PLXNA3: variants seen among roughly 807,000 people sequenced by gnomAD.
PLXNA3 encodes the protein plexin A3.
Under a neutral mutation model 118.8 loss-of-function variants are expected in PLXNA3, and 52 were observed. The ratio of observed to expected loss-of-function variants is 0.44; its 90% CI spans 0.35 to 0.55. The LOEUF is 0.55. Among genes scored for constraint, PLXNA3 ranks in the 20% least tolerant of loss-of-function variants. PLXNA3 has a pLI of 0.01. For missense variants in PLXNA3, 1,660 were observed against 1,730.8 expected (o/e 0.96, Z 0.73); for synonymous variants, 925 against 762.4 (o/e 1.21, Z -3.51).
Position 154,468,574 on chromosome X carries a change from C to T in PLXNA3, c.4220+15C>T. ...CTGCTACGCAGGTACCTGCCTTGCT[C>T]TATCCAGGCCACACCTTTGTCCTGC... On this transcript the variant is annotated intron_variant, in intron 23 of 32. Coordinates refer to ENST00000369682, the MANE Select transcript of PLXNA3 (RefSeq NM_017514.5). The T allele has an allele frequency of 8.3e-7, 1 of 1,207,776 alleles. No homozygotes were observed.
chrX:154,469,618 T>G, intron 27 of PLXNA3, 70 bp from the exon 28 acceptor site: 1 of 831,289 alleles, frequency 1.2e-6, no homozygotes, highest in Non-Finnish European at 1.7e-6. Flanking sequence ...CCCTCCTGGG[T>G]GTGGGTGGGT....
At chrX:154,460,963 C>G in intron 2 of PLXNA3, 136 bp from the exon 3 acceptor site, 17 of 673,557 alleles carry the variant, frequency 2.5e-5, no homozygotes, top group Non-Finnish European at 3.5e-5. Context: ...GGCTGGTCAC[C>G]CTGCCCTCTG....
Position 154,465,066 on chromosome X carries a change from G to A in PLXNA3, c.2092G>A (p.Val698Ile). Residue 698 changes from valine to isoleucine, a missense_variant, in exon 11 of 33, where the codon GTC becomes ATC. By Grantham distance (29) the Val-to-Ile change is conservative. This residue lies in a region of PLXNA3 where 791 missense variants were observed against 652.1 expected (regional missense o/e 1.21). Transcript: ENST00000369682. ...PSGDLLIPVG[V>I]MQPLTLRAKN... ...TGGGGACCTCCTGATCCCCGTTGGG[G>A]TCATGCAGCCTCTTACCTTGCGGGC... 1 of 1,210,033 alleles carries A rather than the reference G, an allele frequency of 8.3e-7. No homozygotes were observed. Among genetic ancestry groups the A allele is most frequent in the African/African-American group, 1.7e-5 (1 of 57,900 alleles).
In PLXNA3 at chrX:154,467,910, G is replaced by T; in HGVS notation, c.3729G>T (p.Lys1243Asn). The change falls in exon 21 of 33, where the codon AAG becomes AAT. Residue 1243 changes from lysine to asparagine, a missense_variant. By Grantham distance (94) the Lys-to-Asn change is moderately conservative. Around this residue, in one of 2 missense-constraint regions of PLXNA3, gnomAD observed 869 missense variants for 1,078.7 expected, o/e 0.81. Coordinates refer to ENST00000369682, the MANE Select transcript of PLXNA3 (RefSeq NM_017514.5). The part of the protein sequence containing the change: ...LAITAVLVAY[K>N]RKTQDADRTL... Reference sequence around the variant, plus strand: ...TCACAGCCGTGCTGGTGGCCTACAAGCGCAAGACTCAGGACGCGGACCGTA... The same window carrying T: ...TCACAGCCGTGCTGGTGGCCTACAATCGCAAGACTCAGGACGCGGACCGTA... The T allele has an allele frequency of 8.3e-7, 1 of 1,210,663 alleles. No individual in the cohort carries two copies. The highest frequency in any genetic ancestry group is 3.0e-5 in the East Asian group (1 of 33,850).
At chrX:154,472,143 G>A (rs1291355428) in intron 32 of PLXNA3, among the ~76,000 whole-genome samples, 2 of 111,104 alleles carry the variant, frequency 1.8e-5, no homozygotes, top group African/African-American at 6.6e-5. Context: ...GCCTGAGAGC[G>A]CCTGGTGGGG....
chrX:154,466,942 C>T (rs1297208219), intron 17 of PLXNA3, 115 bp from the exon 18 acceptor site: 4 of 858,860 alleles, frequency 4.7e-6, no homozygotes, highest in African/African-American at 4.0e-5. Flanking sequence ...ACCCGGCACC[C>T]ACTAGGCGAT....
In PLXNA3 at chrX:154,464,745, C is replaced by G; in HGVS notation, c.1929-9C>G. 9.1e-7 allele frequency: 1 copy of G among 1,101,853 alleles called. No individual in the cohort carries two copies. The highest frequency in any genetic ancestry group is 2.0e-5 in the South Asian group (1 of 48,811). The allele number at this position is 1,101,853 out of a possible 1,213,427, so 90.8% of individuals were successfully genotyped here. ...TCCTCTGTTATTTCTGAAGCCACTT[C>G]CCCCCCAGGTGCATGTCCTGTGTTG... On this transcript the variant is annotated splice_polypyrimidine_tract_variant and intron_variant, in intron 9 of 32. Transcript: ENST00000369682.
Position 154,465,147 on chromosome X carries a change from G to A in PLXNA3, c.2173G>A (p.Val725Met). Residue 725 changes from valine to methionine, a missense_variant, in exon 11 of 33, where the codon GTG becomes ATG. Val to Met is a conservative substitution (Grantham distance 21, BLOSUM62 1). Around this residue, in one of 2 missense-constraint regions of PLXNA3, gnomAD observed 869 missense variants for 1,078.7 expected, o/e 0.81. Coordinates refer to ENST00000369682, the MANE Select transcript of PLXNA3 (RefSeq NM_017514.5). ...GAAGAACTATGAGTGCGTGGTGCGG[G>A]TGCAGGGGCGGCAGCAGCGGGTGCC... ...GQKNYECVVRVQGRQQRVPAV... is the reference protein window; with the variant it reads ...GQKNYECVVRMQGRQQRVPAV... 1.7e-6 allele frequency: 2 copies of A among 1,210,906 alleles called. No individual in the cohort carries two copies. The highest frequency in any genetic ancestry group is 2.2e-6 in the Non-Finnish European group (2 of 895,335).
In PLXNA3 at chrX:154,464,312, T is replaced by C. The variant is rs2069036036; in HGVS notation, c.1827T>C (p.His609=). 8.3e-7 allele frequency: 1 copy of C among 1,205,546 alleles called. No homozygotes were observed. Among genetic ancestry groups the C allele is most frequent in the Admixed American group, 2.2e-5 (1 of 45,856 alleles). Reference sequence around the variant, plus strand: ...AGCTCCGAGCTCTTACCAGGGGGCATGGTCAGTGGGTTGGGGCTGCCCAGG... The same window carrying C: ...AGCTCCGAGCTCTTACCAGGGGGCACGGTCAGTGGGTTGGGGCTGCCCAGG... ...LQELRALTRG[H]GATRTVRLQL... The change falls in exon 8 of 33, where the codon CAT becomes CAC. Residue 609 remains histidine, a splice_region_variant and synonymous_variant. Transcript: ENST00000369682.
intron 2 of PLXNA3, 96 bp from the exon 3 acceptor site, chrX:154,461,003 A>G: frequency 1.2e-6 from 1 of 835,339 alleles, no homozygotes; most frequent in Non-Finnish European, 1.7e-6. Context: ...CTCTGTGATC[A>G]TCCAGGCGGG....
chrX:154,465,073 A>G lies in PLXNA3; in HGVS notation c.2099A>G (p.Gln700Arg), dbSNP rs781965411. 1.5e-5 allele frequency: 18 copies of G among 1,208,432 alleles called. No individual in the cohort carries two copies. The highest frequency in any genetic ancestry group is 4.4e-5 in the Admixed American group (2 of 45,802). ...CTCCTGATCCCCGTTGGGGTCATGCAGCCTCTTACCTTGCGGGCTAAGAAC... is the reference window on the plus strand; with the variant it reads ...CTCCTGATCCCCGTTGGGGTCATGCGGCCTCTTACCTTGCGGGCTAAGAAC... ...GDLLIPVGVM[Q>R]PLTLRAKNLP... is the part of the protein sequence containing the mutation. The change falls in exon 11 of 33, where the codon CAG becomes CGG. Residue 700 changes from glutamine (Q) to arginine (R), a missense_variant. Coordinates refer to ENST00000369682, the MANE Select transcript of PLXNA3 (RefSeq NM_017514.5).
intron 7 of PLXNA3, 22 bp from the exon 8 acceptor site, chrX:154,464,135 C>T: frequency 1.7e-6 from 2 of 1,207,460 alleles, no homozygotes; most frequent in Non-Finnish European, 2.2e-6. Flanking sequence ...CCGCCCTGCC[C>T]TGAGCCCTCT....
intron 25 of PLXNA3, 42 bp downstream of exon 25, chrX:154,469,011 A>C (rs1557208456): frequency 8.3e-7 from 1 of 1,209,778 alleles, no homozygotes; most frequent in Non-Finnish European, 1.1e-6. Flanking sequence ...GGGTGCAGAG[A>C]GAGGCCTCGC....
chrX:154,460,552 G>C lies in PLXNA3; in HGVS notation c.369G>C (p.Leu123=). 1 of 1,209,980 alleles carries C rather than the reference G, an allele frequency of 8.3e-7. No individual in the cohort carries two copies. Among genetic ancestry groups the C allele is most frequent in the Non-Finnish European group, 1.1e-6 (1 of 894,711 alleles). The change falls in exon 2 of 33, where the codon CTG becomes CTC. Residue 123 remains leucine (L), a synonymous_variant. Coordinates refer to ENST00000369682, the MANE Select transcript of PLXNA3 (RefSeq NM_017514.5). ...GSIWQGICQF[L]RLDDLFKLGE... is the part of the protein sequence containing the mutation. ...TCTGGCAGGGCATCTGCCAGTTCCT[G>C]CGTCTGGACGACCTCTTCAAGCTGG...
Position 154,462,858 on chromosome X carries a change from G to A in PLXNA3, c.1318-533G>A, listed in dbSNP as rs189517153. 7.5e-4 allele frequency among the ~76,000 whole-genome samples: 83 copies of A among 110,492 alleles called. No individual in the cohort carries two copies. In the East Asian group the frequency reaches 0.013, roughly 17 times the overall value. On this transcript the variant is annotated intron_variant, in intron 4 of 32. Coordinates refer to ENST00000369682, the MANE Select transcript of PLXNA3 (RefSeq NM_017514.5). ...GGTACGTGTTGAATAGGTAGGAGTCGGGGGACTGCAGTGCTCTCATCCTGC... is the reference window on the plus strand; with the variant it reads ...GGTACGTGTTGAATAGGTAGGAGTCAGGGGACTGCAGTGCTCTCATCCTGC...
rs1278058789 is a variant in PLXNA3, at chrX:154,469,666, C to T, written c.4699-22C>T. 1.1e-5 allele frequency: 13 copies of T among 1,185,033 alleles called. No homozygotes were observed. The Admixed American group carries it at 1.5e-4, about 14-fold the overall frequency. On this transcript the variant is annotated intron_variant, in intron 27 of 32. Coordinates refer to ENST00000369682, the MANE Select transcript of PLXNA3 (RefSeq NM_017514.5). ...GCTTCTCAGCTTCCTGCACTGCCCC[C>T]CTCTGTCTCTGGGGCCTCCAGGTGA...
chrX:154,466,782 G>C lies in PLXNA3; in HGVS notation c.3096G>C (p.Trp1032Cys). 8.5e-7 allele frequency: 1 copy of C among 1,182,856 alleles called. No individual in the cohort carries two copies. The highest frequency in any genetic ancestry group is 1.1e-6 in the Non-Finnish European group (1 of 880,527). ...DPTVTRLEPTWSIINGSTAIT... is the reference protein window; with the variant it reads ...DPTVTRLEPTCSIINGSTAIT... ...CCGTCACCCGCCTTGAGCCCACCTG[G>C]AGCATCATCAAGTAAGACCCTGGGG... The change falls in exon 17 of 33, where the codon TGG becomes TGC. Residue 1032 changes from tryptophan to cysteine, a missense_variant. Trp to Cys is a radical substitution (Grantham distance 215). Around this residue, in one of 2 missense-constraint regions of PLXNA3, gnomAD observed 869 missense variants for 1,078.7 expected, o/e 0.81. Transcript: ENST00000369682.
chrX:154,465,964 A>G lies in PLXNA3; in HGVS notation c.2562A>G (p.Gly854=). The G allele has an allele frequency of 8.3e-7, 1 of 1,211,385 alleles. No homozygotes were observed. Among genetic ancestry groups the G allele is most frequent in the Non-Finnish European group, 1.1e-6 (1 of 895,357 alleles). ...ACCCTCTCGTGGGGCCCAAGGAAGG[A>G]GGCACCCGGGTCACCATCGTGGGTG... ...QIHPLVGPKE[G]GTRVTIVGEN... The change falls in exon 14 of 33, where the codon GGA becomes GGG. Residue 854 remains glycine (G), a synonymous_variant. Transcript: ENST00000369682.
At position 154,460,666 on chromosome X, in the gene PLXNA3, G is replaced by C; in HGVS notation, c.483G>C (p.Gly161=). ...GTGTCATTGTGGAGCAGGGCCAGGG[G>C]CCCAGCAAGCTGTTTGTGGGCACTG... ...MAGVIVEQGQ[G]PSKLFVGTAV... The change falls in exon 2 of 33, where the codon GGG becomes GGC. Residue 161 remains glycine, a synonymous_variant. Coordinates refer to ENST00000369682, the MANE Select transcript of PLXNA3 (RefSeq NM_017514.5). 2 of 1,166,319 alleles carry C rather than the reference G, an allele frequency of 1.7e-6. No homozygotes were observed. Among genetic ancestry groups the C allele is most frequent in the East Asian group, 3.0e-5 (1 of 33,485 alleles).
Sources: allele counts gnomAD v4.1 joint callset (sites outside exome capture counted in the v4.1 genomes callset), GRCh38; gene constraint gnomAD v4.1.1; regional missense constraint gnomAD v4.1.1; transcripts MANE v1.5; gene names NCBI Gene and HGNC (gene_info 2026-07-23, HGNC 2026-07-21).